Variants in ART3 observed in about 807,000 individuals in gnomAD.
The protein encoded by ART3 is ADP-ribosyltransferase 3 (inactive).
ART3 carries 49 observed loss-of-function variants against 48.5 expected under a neutral mutation model. The ratio of observed to expected loss-of-function variants is 1.01; its 90% CI spans 0.80 to 1.28. The LOEUF is 1.28. Ranked by LOEUF, ART3 falls within the 50% of genes most tolerant of loss-of-function variation. ART3 has a pLI of 0.00. For missense variants in ART3, 438 were observed against 454.3 expected, an observed-to-expected ratio of 0.96 and a Z score of 0.33; for synonymous variants, 145 against 157.2, an observed-to-expected ratio of 0.92 and a Z score of 0.58.
chr4:76,050,845 C>T (rs1270122787), intron 1 of ART3, among the ~76,000 whole-genome samples: 1 of 152,202 alleles, frequency 6.6e-6, no homozygotes, highest in African/African-American at 2.4e-5. Context: ...AGCGCAGTGC[C>T]AGTGGGCTGG....
rs1328508434 is a variant in ART3 at position 76,075,911 on chromosome 4, A to G, written c.22A>G (p.Ile8Val). The change falls in exon 2 of 12, where the codon ATA (isoleucine) becomes GTA (valine). Residue 8 changes from isoleucine to valine, a missense_variant. Physicochemically the swap from Ile to Val is conservative, Grantham distance 29. Transcript: ENST00000355810. ...AAAAATGAAGACGGGACATTTTGAA[A>G]TAGTCACCATGCTGCTGGCAACCAT... MKTGHFE[I>V]VTMLLATMIL... 1 of 1,613,092 alleles carries G rather than the reference A, an allele frequency of 6.2e-7. No homozygotes were observed. Among genetic ancestry groups the G allele is most frequent in the African/African-American group, 1.3e-5 (1 of 74,880 alleles).
In ART3 at chr4:76,047,039, A is replaced by G. The variant is rs536617650; in HGVS notation, c.-9-28842A>G. 6.1e-4 allele frequency among the ~76,000 whole-genome samples: 93 copies of G among 152,054 alleles called. 1 individual carries two copies. The highest frequency in any genetic ancestry group is 2.2e-3 in the African/African-American group (90 of 41,528). On this transcript the variant is annotated intron_variant, in intron 1 of 9. Coordinates refer to the ART3 transcript ENST00000341029. Reference sequence around the variant, plus strand: ...GCACCCTCAGTCCTGTTGTCGCATCATCTGGTTGGGGGCTTCTGACCCAGG... The same window carrying G: ...GCACCCTCAGTCCTGTTGTCGCATCGTCTGGTTGGGGGCTTCTGACCCAGG...
intron 1 of ART3, chr4:76,075,359 A>G: frequency 6.6e-6 from 1 of 152,598 alleles, no homozygotes; most frequent in South Asian, 2.1e-4. Flanking sequence ...ACTGCTTTGT[A>G]CCACTACTGA....
At chr4:76,086,854 C>G (rs949508405) in intron 3 of ART3, among the ~76,000 whole-genome samples, 1 of 152,156 alleles carries the variant, frequency 6.6e-6, no homozygotes, top group Non-Finnish European at 1.5e-5. Context: ...GTCTTCTTTC[C>G]TGCTCCCCCT....
chr4:76,019,836 C>T (rs1732619794), intron 1 of ART3, among the ~76,000 whole-genome samples: 2 of 151,926 alleles, frequency 1.3e-5, no homozygotes, highest in Non-Finnish European at 2.9e-5. Flanking sequence ...TGGGGTATGC[C>T]AGTGTTTAGC....
At chr4:76,016,461 T>G (rs1732265950) in intron 1 of ART3, among the ~76,000 whole-genome samples, 1 of 152,082 alleles carries the variant, frequency 6.6e-6, no homozygotes, top group African/African-American at 2.4e-5. Flanking sequence ...GGGTTGGGGG[T>G]GGGGTGACAC....
intron 1 of ART3, among the ~76,000 whole-genome samples, chr4:76,067,017 T>C (rs1719586503): frequency 6.6e-6 from 1 of 152,164 alleles, no homozygotes; most frequent in South Asian, 2.1e-4. Context: ...AGGGCAGGGC[T>C]CCTGCCTGCT....
chr4:76,103,829 CTTTT>C (rs33952924), intron 8 of ART3, 104 bp from the exon 9 acceptor site: 7 of 776,112 alleles, frequency 9.0e-6, no homozygotes, highest in Admixed American at 3.0e-5. Context: ...TTCCCCCTGC[CTTTT>C]TTTTTTTTTG....
chr4:76,076,855 C>A (rs1449340707), intron 2 of ART3, among the ~76,000 whole-genome samples: 1 of 151,846 alleles, frequency 6.6e-6, no homozygotes, highest in Non-Finnish European at 1.5e-5. Context: ...TTTTTCCCCA[C>A]GTTGTTAGCT....
chr4:76,109,805 A>G (rs4379080), intron 11 of ART3, among the ~76,000 whole-genome samples: 29,128 of 152,172 alleles, frequency 0.19, 4,762 homozygotes, highest in African/African-American at 0.44. Flanking sequence ...GCATGTGTGC[A>G]TCTGCCTATC....
At chr4:76,038,904 G>A (rs1341231082) in intron 1 of ART3, among the ~76,000 whole-genome samples, 1 of 151,774 alleles carries the variant, frequency 6.6e-6, no homozygotes, top group African/African-American at 2.4e-5. Context: ...TATAGTTTTA[G>A]TAGAGATGGT....
chr4:76,047,008 C>T (rs1379425479), intron 1 of ART3, among the ~76,000 whole-genome samples: 1 of 151,920 alleles, frequency 6.6e-6, no homozygotes, highest in Non-Finnish European at 1.5e-5. Flanking sequence ...CTGGCACTTG[C>T]CCCGGGCACC....
chr4:76,103,948 C>T lies in ART3; in HGVS notation c.949C>T (p.Leu317Phe). Residue 317 changes from leucine (L) to phenylalanine (F), a missense_variant, in exon 9 of 12, where the codon CTT (leucine) becomes TTT (phenylalanine). Transcript: ENST00000355810. The stretch of plus-strand genomic sequence containing the variant: ...ATTTCTGCCTTTAGGTGTGAAAATC[C>T]TTGAACCCACCCAAATACCTGGTAA... ...QKLEDHGVKI[L>F]EPTQIPGMKI... is the part of the protein sequence containing the mutation. The T allele has an allele frequency of 6.2e-7, 1 of 1,613,314 alleles. No homozygotes were observed. Among genetic ancestry groups the T allele is most frequent in the Non-Finnish European group, 8.5e-7 (1 of 1,179,662 alleles).
In ART3 at chr4:76,106,148, T is replaced by C. The variant is rs931173364; in HGVS notation, c.1003+1519T>C. ...CATAAGAAGGCTAACAAATTTATAATAGGCTAGAGACAACCAGGACTCAAA... is the reference window on the plus strand; with the variant it reads ...CATAAGAAGGCTAACAAATTTATAACAGGCTAGAGACAACCAGGACTCAAA... On this transcript the variant is annotated intron_variant, in intron 10 of 11. Transcript: ENST00000355810. The C allele has an allele frequency of 1.4e-5, 14 of 985,308 alleles. 1 individual carries two copies. The highest frequency in any genetic ancestry group is 1.7e-5 in the Non-Finnish European group (14 of 829,918). The allele number at this position is 985,308 out of a possible 1,614,324, so 61.0% of individuals were successfully genotyped here. A position where few individuals can be genotyped will look rare whatever the true frequency, so the allele number is the denominator to read the frequency against.
In ART3 at chr4:76,081,977, G is replaced by T; in HGVS notation, c.223G>T (p.Ala75Ser). The change falls in exon 3 of 12, where the codon GCC (alanine) becomes TCC (serine). Residue 75 changes from alanine to serine, a missense_variant. By Grantham distance (99) the Ala-to-Ser change is moderately conservative (BLOSUM62 1). Transcript: ENST00000355810. Reference protein sequence around the residue: ...QLDTVWENAKAKWAARKTQIF... With the variant: ...QLDTVWENAKSKWAARKTQIF... ...AGATACTGTGTGGGAAAATGCAAAA[G>T]CCAAATGGGCAGCCCGAAAGACTCA... 6.2e-7 allele frequency: 1 copy of T among 1,614,164 alleles called. No homozygotes were observed. Among genetic ancestry groups the T allele is most frequent in the Non-Finnish European group, 8.5e-7 (1 of 1,180,036 alleles).
intron 10 of ART3, chr4:76,106,313 GCA>G (rs1157804269): frequency 1.1e-4 from 107 of 985,244 alleles, no homozygotes; most frequent in Non-Finnish European, 1.2e-4. Context: ...TCTATGCTAG[GCA>G]CACACTTGGT....
At chr4:76,046,924 GT>G (rs1246898620) in intron 1 of ART3, among the ~76,000 whole-genome samples, 1 of 151,766 alleles carries the variant, frequency 6.6e-6, no homozygotes, top group Non-Finnish European at 1.5e-5. Context: ...CCGCGCCAGT[GT>G]CCAGGAGGAA....
intron 2 of ART3, 78 bp downstream of exon 2, chr4:76,076,036 C>CTG: frequency 7.6e-7 from 1 of 1,323,782 alleles, no homozygotes; most frequent in Non-Finnish European, 1.1e-6. Flanking sequence ...GAGTCTCTCT[C>CTG]TGTCGCCCAG....
intron 2 of ART3, among the ~76,000 whole-genome samples, chr4:76,077,999 A>C (rs1199974389): frequency 1.3e-5 from 2 of 151,760 alleles, no homozygotes; most frequent in Admixed American, 1.3e-4. Flanking sequence ...TGATTTGCTT[A>C]GCCAGTTTCT....
Sources: allele counts gnomAD v4.1 joint callset (sites outside exome capture counted in the v4.1 genomes callset), GRCh38; gene constraint gnomAD v4.1.1; transcripts MANE v1.5; gene names NCBI Gene and HGNC (gene_info 2026-07-23, HGNC 2026-07-21).